Variants in DDX4 observed in about 807,000 individuals in gnomAD.
DDX4 encodes the protein probable ATP-dependent RNA helicase DDX4.
A neutral mutation model predicts 100.0 loss-of-function variants in DDX4; 25 were observed. The ratio of observed to expected loss-of-function variants is 0.25; its 90% CI spans 0.18 to 0.35. The LOEUF is 0.35. Among genes scored for constraint, DDX4 ranks in the 10% least tolerant of loss-of-function variants. DDX4 has a pLI of 1.00. For synonymous variants in DDX4, 259 were observed against 275.7 expected (o/e 0.94, Z 0.60); for missense variants, 635 against 882.4 (o/e 0.72, Z 3.55).
At chr5:55,799,057 CCAAT>C (rs1231673401) in intron 18 of DDX4, among the ~76,000 whole-genome samples, 4 of 152,130 alleles carry the variant, frequency 2.6e-5, no homozygotes, top group Admixed American at 2.6e-4. Context: ...CTCTACTCCC[CCAAT>C]CAATTTTTAT....
At chr5:55,775,284 C>T (rs74866804) in intron 7 of DDX4, among the ~76,000 whole-genome samples, 2,120 of 152,162 alleles carry the variant, frequency 0.014, 20 homozygotes, top group Middle Eastern at 0.041. Flanking sequence ...TTCTTCTTTC[C>T]GACTATTGTA....
intron 14 of DDX4, among the ~76,000 whole-genome samples, chr5:55,787,242 T>C (rs968214383): frequency 6.6e-6 from 1 of 152,172 alleles, no homozygotes; most frequent in Non-Finnish European, 1.5e-5. Flanking sequence ...TCAGCCTTCA[T>C]AGTAGAATTG....
intron 18 of DDX4, among the ~76,000 whole-genome samples, chr5:55,813,409 T>C (rs1449724686): frequency 6.6e-6 from 1 of 152,180 alleles, no homozygotes; most frequent in African/African-American, 2.4e-5. Flanking sequence ...GATTTACCTT[T>C]CCCTAAGGTT....
intron 5 of DDX4, 142 bp downstream of exon 5, chr5:55,763,394 A>G (rs954360997): frequency 3.3e-6 from 2 of 603,752 alleles, no homozygotes; most frequent in Admixed American, 5.8e-5. Flanking sequence ...ACTAAAGATT[A>G]TCTTATTAAA....
chr5:55,743,576 C>T (rs1759099000), intron 2 of DDX4, among the ~76,000 whole-genome samples: 4 of 151,972 alleles, frequency 2.6e-5, no homozygotes, highest in Admixed American at 2.6e-4. Context: ...ATTACAGGTG[C>T]CCGCCACCAT....
chr5:55,773,556 T>A (rs1490609174), intron 7 of DDX4, among the ~76,000 whole-genome samples: 2 of 152,196 alleles, frequency 1.3e-5, no homozygotes, highest in Non-Finnish European at 2.9e-5. Flanking sequence ...CCACCGATAC[T>A]AGTTATTACT....
chr5:55,804,558 A>C (rs1416479446), intron 18 of DDX4, among the ~76,000 whole-genome samples: 8 of 152,292 alleles, frequency 5.3e-5, no homozygotes, highest in African/African-American at 1.9e-4. Flanking sequence ...CAGTTTTCCC[A>C]GCACCATTTA....
chr5:55,738,430 C>G (rs1758808186), intron 1 of DDX4: 1 of 156,764 alleles, frequency 6.4e-6, no homozygotes, highest in African/African-American at 2.4e-5. Flanking sequence ...TTCTTCCCTT[C>G]CCCACTAAAA....
chr5:55,769,699 A>G lies in DDX4; in HGVS notation c.394+1759A>G, dbSNP rs148948294. On this transcript the variant is annotated intron_variant, in intron 7 of 21. Transcript: ENST00000505374. ...CATATGGAACCAAAAAAGAGCATGA[A>G]TAGGCAAGACAATCCCAAGCACAAA... Among the ~76,000 whole-genome samples, 61 of 152,302 alleles carry G rather than the reference A, an allele frequency of 4.0e-4. 1 individual carries two copies. The East Asian group carries it at 0.011, about 28-fold the overall frequency.
chr5:55,768,034 G>A (rs757024582), intron 7 of DDX4, 94 bp downstream of exon 7: 42 of 1,162,228 alleles, frequency 3.6e-5, no homozygotes, highest in East Asian at 3.6e-4. Context: ...AACACTGATC[G>A]TGAAAACCTT....
At chr5:55,771,933 C>T (rs1198958168) in intron 7 of DDX4, among the ~76,000 whole-genome samples, 2 of 152,194 alleles carry the variant, frequency 1.3e-5, no homozygotes, top group East Asian at 1.9e-4. Context: ...AAGAATAGTA[C>T]ATACAGATAG....
intron 21 of DDX4, 96 bp from the exon 22 acceptor site, chr5:55,816,367 G>A: frequency 6.7e-7 from 1 of 1,482,814 alleles, no homozygotes; most frequent in Non-Finnish European, 9.0e-7. Context: ...TAGATACTTT[G>A]AGTCCTTGCT....
chr5:55,785,899 GC>G (rs1318173360), intron 13 of DDX4, 28 bp downstream of exon 13: 2 of 1,539,290 alleles, frequency 1.3e-6, no homozygotes, highest in African/African-American at 2.7e-5. Context: ...TTCTGTATTA[GC>G]TATGTAGCAC....
chr5:55,761,044 A>G (rs901374112), intron 4 of DDX4, among the ~76,000 whole-genome samples: 9 of 152,200 alleles, frequency 5.9e-5, no homozygotes, highest in African/African-American at 2.2e-4. Flanking sequence ...TGCTGTGGAA[A>G]CTAAAAGATG....
At chr5:55,792,338 A>G (rs1161001735) in intron 16 of DDX4, among the ~76,000 whole-genome samples, 2 of 151,348 alleles carry the variant, frequency 1.3e-5, no homozygotes, top group Non-Finnish European at 2.9e-5. Context: ...TTTTCTTAAC[A>G]GTATTTTATT....
chr5:55,798,757 C>T (rs746704540), intron 18 of DDX4, among the ~76,000 whole-genome samples, 186 bp downstream of exon 18: 39 of 151,946 alleles, frequency 2.6e-4, no homozygotes, highest in Admixed American at 3.9e-4. Context: ...AAAATATGGT[C>T]GTTTCTCCAC....
intron 10 of DDX4, among the ~76,000 whole-genome samples, chr5:55,783,446 G>A (rs1278613124): frequency 2.0e-5 from 3 of 151,522 alleles, no homozygotes; most frequent in Non-Finnish European, 4.4e-5. Context: ...ACCTAAAAGT[G>A]GAACAACAGA....
rs753017587 is a variant in DDX4 at position 55,815,386 on chromosome 5, C to A, written c.2060C>A (p.Thr687Lys). The A allele has an allele frequency of 5.6e-6, 9 of 1,613,414 alleles. No individual in the cohort carries two copies. The South Asian group carries it at 9.9e-5, about 18-fold the overall frequency. Residue 687 changes from threonine to lysine, a missense_variant, in exon 21 of 22, where the codon ACA (threonine) becomes AAA (lysine). By Grantham distance (78) the Thr-to-Lys change is moderately conservative. Coordinates refer to ENST00000505374, the MANE Select transcript of DDX4 (RefSeq NM_024415.3). The stretch of plus-strand genomic sequence containing the variant: ...TACATTCCTGGCTTCAGTGGTAGTA[C>A]AAGAGGAAACGTGTTTGCATCAGTT... ...STYIPGFSGS[T>K]RGNVFASVDT...
intron 18 of DDX4, among the ~76,000 whole-genome samples, chr5:55,799,471 G>A (rs1743168748): frequency 6.6e-6 from 1 of 152,154 alleles, no homozygotes; most frequent in Non-Finnish European, 1.5e-5. Context: ...AAGCTCCCAG[G>A]CTCAAGCAGT....
Sources: gnomAD v4.1 joint callset for allele counts (sites outside exome capture counted in the v4.1 genomes callset) on GRCh38, gnomAD v4.1.1 for gene constraint, MANE v1.5 for transcripts, NCBI Gene and HGNC (gene_info 2026-07-23, HGNC 2026-07-21) for gene names.